The following SGCZ variants were observed in gnomAD, a reference collection of about 807,000 sequenced individuals.
The protein encoded by SGCZ is zeta-sarcoglycan.
In SGCZ, 40 loss-of-function variants were observed where a neutral mutation model predicts 41.3. The observed-to-expected ratio is 0.97, with a 90% CI of 0.75 to 1.26. The LOEUF is 1.26. SGCZ is among the 50% of genes most tolerant of loss of function. SGCZ has a pLI of 0.00. For synonymous variants in SGCZ, 206 were observed against 137.5 expected (o/e 1.50, Z -3.49); for missense variants, 552 against 369.8 (o/e 1.49, Z -4.04).
rs1024031583 is a variant in SGCZ, at chr8:14,687,643, T to C, written c.40-132717A>G. Among the ~76,000 whole-genome samples the C allele has an allele frequency of 3.2e-3, 479 of 151,974 alleles. 3 individuals carry two copies. Among genetic ancestry groups the C allele is most frequent in the Non-Finnish European group, 4.9e-3 (334 of 67,966 alleles). ...AAGTCTTTGCTATTGTGAATAGTGC[T>C]GCAATAAACATACATGTGCATGTGT... On this transcript the variant is annotated intron_variant, in intron 1 of 7. Transcript: ENST00000382080.
intron 3 of SGCZ, among the ~76,000 whole-genome samples, chr8:14,322,609 T>G (rs1801962591): frequency 6.6e-6 from 1 of 152,092 alleles, no homozygotes; most frequent in Non-Finnish European, 1.5e-5. Context: ...ATCATTAAAA[T>G]TTTGTTCCCA....
At chr8:15,015,612 C>T (rs972005554) in intron 1 of SGCZ, among the ~76,000 whole-genome samples, 44 of 141,236 alleles carry the variant, frequency 3.1e-4, no homozygotes, top group Non-Finnish European at 4.1e-4. Flanking sequence ...GGCGTGAACC[C>T]GGGAGGCAGA....
At chr8:14,454,168 A>T (rs1800676971) in intron 2 of SGCZ, among the ~76,000 whole-genome samples, 1 of 152,166 alleles carries the variant, frequency 6.6e-6, no homozygotes, top group Non-Finnish European at 1.5e-5. Context: ...AGATAGTAAG[A>T]GCCAAGGTAT....
chr8:15,232,920 G>A (rs946649276), intron 1 of SGCZ, among the ~76,000 whole-genome samples: 1 of 151,294 alleles, frequency 6.6e-6, no homozygotes, highest in African/African-American at 2.4e-5. Context: ...CCACATTATA[G>A]ATGTATAGTA....
intron 2 of SGCZ, among the ~76,000 whole-genome samples, chr8:14,415,071 G>A (rs1332123131): frequency 6.6e-6 from 1 of 151,726 alleles, no homozygotes; most frequent in Non-Finnish European, 1.5e-5. Context: ...TTATTAATGG[G>A]AGAGTGTTTT....
chr8:14,373,013 A>G (rs554352390), intron 2 of SGCZ, among the ~76,000 whole-genome samples: 4 of 152,210 alleles, frequency 2.6e-5, no homozygotes, highest in Non-Finnish European at 5.9e-5. Context: ...TGACCCAAGT[A>G]TTGATAATAA....
At chr8:14,164,502 T>C (rs1804145564) in intron 5 of SGCZ, 78 bp downstream of exon 5, 1 of 1,549,694 alleles carries the variant, frequency 6.5e-7, no homozygotes, top group Non-Finnish European at 8.8e-7. Context: ...GAATCATCCA[T>C]CTTATTAAGA....
chr8:14,804,249 GAGA>G (rs1406702404), intron 1 of SGCZ, among the ~76,000 whole-genome samples: 1 of 98,388 alleles, frequency 1.0e-5, no homozygotes, highest in Non-Finnish European at 2.1e-5. Context: ...GACGAGCTGA[GAGA>G]AGAAGGCTTC....
intron 1 of SGCZ, among the ~76,000 whole-genome samples, chr8:15,076,442 G>A (rs17120851): frequency 0.045 from 6,909 of 152,056 alleles, 488 homozygotes; most frequent in African/African-American, 0.15. Flanking sequence ...AATGCAAGGA[G>A]GAAAAAACAG....
chr8:14,106,980 G>A (rs1201389516), intron 6 of SGCZ, among the ~76,000 whole-genome samples: 1 of 152,178 alleles, frequency 6.6e-6, no homozygotes, highest in Non-Finnish European at 1.5e-5. Flanking sequence ...ACTTTGGGAG[G>A]CCGAGGAGGG....
intron 1 of SGCZ, among the ~76,000 whole-genome samples, chr8:15,171,041 A>G (rs889261576): frequency 6.6e-6 from 1 of 152,222 alleles, no homozygotes; most frequent in African/African-American, 2.4e-5. Flanking sequence ...GCTATCTGCA[A>G]TATAAATAAT....
intron 1 of SGCZ, among the ~76,000 whole-genome samples, chr8:14,652,178 C>A (rs1807421248): frequency 6.6e-6 from 1 of 151,564 alleles, no homozygotes; most frequent in South Asian, 2.1e-4. Flanking sequence ...CCTGTCTCTA[C>A]TGAAAATACA....
At chr8:14,572,800 C>G (rs1055233656) in intron 1 of SGCZ, among the ~76,000 whole-genome samples, 6 of 152,114 alleles carry the variant, frequency 3.9e-5, no homozygotes, top group African/African-American at 1.2e-4. Flanking sequence ...AAATTTAACA[C>G]ACTCAAAGTC....
intron 1 of SGCZ, among the ~76,000 whole-genome samples, chr8:14,633,163 T>C (rs1444395491): frequency 2.0e-5 from 3 of 152,014 alleles, no homozygotes; most frequent in South Asian, 2.1e-4. Flanking sequence ...CATGAATAAA[T>C]ACATATTTTA....
At chr8:14,292,510 A>G (rs1800875249) in intron 3 of SGCZ, among the ~76,000 whole-genome samples, 1 of 152,096 alleles carries the variant, frequency 6.6e-6, no homozygotes, top group Non-Finnish European at 1.5e-5. Flanking sequence ...TACTCTGAAG[A>G]TGAGGCACAA....
intron 5 of SGCZ, among the ~76,000 whole-genome samples, chr8:14,159,859 T>C (rs1319172045): frequency 6.6e-6 from 1 of 152,298 alleles, no homozygotes; most frequent in East Asian, 1.9e-4. Flanking sequence ...GAAGATGAAC[T>C]AATAAAAACA....
At chr8:14,815,590 T>C (rs1321979941) in intron 1 of SGCZ, among the ~76,000 whole-genome samples, 1 of 152,170 alleles carries the variant, frequency 6.6e-6, no homozygotes, top group Non-Finnish European at 1.5e-5. Context: ...CACAATAATA[T>C]TATCACTAGT....
chr8:14,277,704 G>A (rs1800283104), intron 3 of SGCZ, among the ~76,000 whole-genome samples: 2 of 152,122 alleles, frequency 1.3e-5, no homozygotes, highest in Admixed American at 1.3e-4. Context: ...AAATTGGCAA[G>A]ACATAGAAGC....
chr8:14,493,359 C>CTTTTTTTTTGTTTTTTTTTTT, intron 2 of SGCZ, among the ~76,000 whole-genome samples: 1 of 44,268 alleles, frequency 2.3e-5, no homozygotes, highest in Non-Finnish European at 4.2e-5. Flanking sequence ...ATCATCCTTT[C>CTTTTTTTTTGTTTTTTTTTTT]TTTTTTTTTT....
Sources: gnomAD v4.1 joint callset for allele counts (sites outside exome capture counted in the v4.1 genomes callset) on GRCh38, gnomAD v4.1.1 for gene constraint, MANE v1.5 for transcripts, NCBI Gene and HGNC (gene_info 2026-07-23, HGNC 2026-07-21) for gene names.